Variants in XIRP2 observed in about 807,000 individuals in gnomAD.
XIRP2 encodes the protein xin actin binding repeat containing 2, also known as xin actin-binding repeat-containing protein 2.
In XIRP2, 236 loss-of-function variants were observed where a neutral mutation model predicts 277.0. That is an observed-to-expected ratio of 0.85 (90% CI 0.77 to 0.95). XIRP2 has a LOEUF of 0.95. XIRP2 is among the 40% of genes least tolerant of loss of function. XIRP2 has a pLI of 0.00. For missense variants in XIRP2, 4,640 were observed against 4,157.5 expected (o/e 1.12, Z -3.19); for synonymous variants, 1,490 against 1,416.5 (o/e 1.05, Z -1.17).
intron 2 of XIRP2, among the ~76,000 whole-genome samples, chr2:166,909,590 T>C (rs1041548813): frequency 6.6e-6 from 1 of 152,224 alleles, no homozygotes; most frequent in Non-Finnish European, 1.5e-5. Context: ...CCTCTTTTCC[T>C]AATTGAATAC....
At chr2:167,082,317 T>A (rs978489270) in intron 2 of XIRP2, among the ~76,000 whole-genome samples, 2 of 152,202 alleles carry the variant, frequency 1.3e-5, no homozygotes, top group African/African-American at 4.8e-5. Context: ...AGTGTATATG[T>A]GCCACATTTT....
intron 2 of XIRP2, among the ~76,000 whole-genome samples, chr2:166,915,904 T>TGTA (rs1383480780): frequency 1.3e-5 from 2 of 152,272 alleles, no homozygotes; most frequent in Admixed American, 1.3e-4. Flanking sequence ...TGAGCTGAAC[T>TGTA]GTATCAAAAA....
intron 2 of XIRP2, among the ~76,000 whole-genome samples, chr2:167,095,391 C>T (rs367708525): frequency 3.5e-4 from 54 of 152,144 alleles, no homozygotes; most frequent in African/African-American, 1.2e-3. Flanking sequence ...TTTCTTGTGC[C>T]GGTTTTCAAA....
chr2:166,924,324 A>G (rs1418351533), intron 2 of XIRP2, among the ~76,000 whole-genome samples: 1 of 152,014 alleles, frequency 6.6e-6, no homozygotes, highest in African/African-American at 2.4e-5. Context: ...AGTGCAGTTC[A>G]TACTCTTCAG....
intron 2 of XIRP2, among the ~76,000 whole-genome samples, chr2:167,052,330 T>C (rs1688936074): frequency 6.6e-6 from 1 of 152,122 alleles, no homozygotes; most frequent in South Asian, 2.1e-4. Context: ...AGGGGAAAGA[T>C]GGTACCTAAA....
At chr2:167,109,202 A>T (rs1690683709) in intron 2 of XIRP2, among the ~76,000 whole-genome samples, 1 of 152,148 alleles carries the variant, frequency 6.6e-6, no homozygotes, top group Non-Finnish European at 1.5e-5. Context: ...TCTTAAAAAT[A>T]TTAAATAAAA....
At chr2:167,024,679 G>C (rs1000484932) in intron 2 of XIRP2, among the ~76,000 whole-genome samples, 5 of 152,048 alleles carry the variant, frequency 3.3e-5, no homozygotes, top group African/African-American at 1.2e-4. Context: ...GTTGAATTTT[G>C]TCAAAGGCCT....
chr2:167,100,564 G>C (rs1429689104), intron 2 of XIRP2, among the ~76,000 whole-genome samples: 2 of 152,160 alleles, frequency 1.3e-5, no homozygotes, highest in Non-Finnish European at 2.9e-5. Flanking sequence ...TACCTAAAGT[G>C]TTAATATTTT....
chr2:167,238,130 A>C (rs944838551), intron 5 of XIRP2, among the ~76,000 whole-genome samples: 3 of 152,218 alleles, frequency 2.0e-5, no homozygotes, highest in Non-Finnish European at 4.4e-5. Flanking sequence ...GTTTGAATAG[A>C]ATTAATGTAT....
intron 3 of XIRP2, among the ~76,000 whole-genome samples, chr2:167,159,237 G>A (rs886928151): frequency 6.6e-6 from 1 of 152,170 alleles, no homozygotes; most frequent in Non-Finnish European, 1.5e-5. Flanking sequence ...ACCAAGAACT[G>A]TTTCTCCTCC....
rs1365340109 is a variant in XIRP2 at position 166,957,304 on chromosome 2, C to A, written c.408+53414C>A. Among the ~76,000 whole-genome samples, 10 of 151,788 alleles carry A rather than the reference C, an allele frequency of 6.6e-5. No homozygotes were observed. The East Asian group carries it at 1.9e-3, about 30-fold the overall frequency. ...GCCACTCTCCAAGATTTATATCTAA[C>A]TTTTCTTACTTTTCTGATTAAAATA... is the stretch of plus-strand genomic sequence containing the variant. On this transcript the variant is annotated intron_variant, in intron 2 of 10. Coordinates refer to ENST00000409195, the MANE Select transcript of XIRP2 (RefSeq NM_152381.6).
At chr2:167,169,729 A>G (rs748274231) in intron 3 of XIRP2, among the ~76,000 whole-genome samples, 7 of 152,214 alleles carry the variant, frequency 4.6e-5, no homozygotes, top group Non-Finnish European at 8.8e-5. Context: ...GCTAGTATTT[A>G]GAAACAGTAT....
At chr2:167,059,533 A>T (rs181291238) in intron 2 of XIRP2, among the ~76,000 whole-genome samples, 1 of 151,800 alleles carries the variant, frequency 6.6e-6, no homozygotes, top group East Asian at 1.9e-4. Context: ...TCTCTGCAAA[A>T]GAGCAATCAT....
chr2:167,144,328 ATTCT>A (rs1317112397), intron 3 of XIRP2, among the ~76,000 whole-genome samples: 1 of 152,078 alleles, frequency 6.6e-6, no homozygotes, highest in Non-Finnish European at 1.5e-5. Flanking sequence ...CACTGTTATG[ATTCT>A]TTATTTACAA....
chr2:167,178,684 A>T (rs1047746358), intron 3 of XIRP2, among the ~76,000 whole-genome samples: 34 of 151,628 alleles, frequency 2.2e-4, no homozygotes, highest in Non-Finnish European at 4.1e-4. Flanking sequence ...TATTCTCCTG[A>T]TGAAATTTAA....
At chr2:167,168,792 T>G (rs1002469215) in intron 3 of XIRP2, among the ~76,000 whole-genome samples, 6 of 151,920 alleles carry the variant, frequency 3.9e-5, no homozygotes, top group African/African-American at 7.3e-5. Flanking sequence ...TTTTTTGTAT[T>G]TTTAGTAGAG....
chr2:166,903,497 G>A lies in XIRP2; in HGVS notation c.15G>A (p.Gln5=). Residue 5 remains glutamine (Q), a synonymous_variant, in exon 2 of 11, where the codon CAG becomes CAA. Coordinates refer to ENST00000409195, the MANE Select transcript of XIRP2 (RefSeq NM_152381.6). ...TGGACCCATCCATGTTCCCAATGCAGAAGGGCTCCCTCAACCTCCTGAGGC... is the reference window on the plus strand; with the variant it reads ...TGGACCCATCCATGTTCCCAATGCAAAAGGGCTCCCTCAACCTCCTGAGGC... The part of the protein sequence containing the change: MFPM[Q]KGSLNLLRQK... 1 of 1,612,836 alleles carries A rather than the reference G, an allele frequency of 6.2e-7. No individual in the cohort carries two copies. The highest frequency in any genetic ancestry group is 8.5e-7 in the Non-Finnish European group (1 of 1,179,242).
chr2:167,077,508 T>C (rs1689602615), intron 2 of XIRP2, among the ~76,000 whole-genome samples: 2 of 152,088 alleles, frequency 1.3e-5, no homozygotes, highest in African/African-American at 4.8e-5. Flanking sequence ...TAGAATTTCA[T>C]AAATTCTATA....
intron 2 of XIRP2, chr2:167,124,486 C>T (rs1691144060): frequency 6.6e-6 from 1 of 152,082 alleles, no homozygotes; most frequent in Non-Finnish European, 1.5e-5. Context: ...ATAAAATTCA[C>T]AAAATATTCA....
Sources: gnomAD v4.1 joint callset for allele counts (sites outside exome capture counted in the v4.1 genomes callset) on GRCh38, gnomAD v4.1.1 for gene constraint, MANE v1.5 for transcripts, NCBI Gene and HGNC (gene_info 2026-07-23, HGNC 2026-07-21) for gene names.